NOVA1: variants seen among roughly 807,000 people sequenced by gnomAD.
NOVA1 encodes the protein RNA-binding protein Nova-1.
In NOVA1, 7 loss-of-function variants were observed where a neutral mutation model predicts 38.0. The observed-to-expected ratio is 0.18, with a 90% CI of 0.10 to 0.35. NOVA1 has a LOEUF of 0.35. Among genes scored for constraint, NOVA1 ranks in the 10% least tolerant of loss-of-function variants. The probability of loss-of-function intolerance (pLI) is 1.00; values close to 1 mark genes in which losing one functional copy is unlikely to be tolerated. For synonymous variants in NOVA1, 270 were observed against 232.5 expected, an observed-to-expected ratio of 1.16 and a Z score of -1.47; for missense variants, 460 against 616.0, an observed-to-expected ratio of 0.75 and a Z score of 2.68.
At chr14:26,480,880 T>C (rs979022523) in intron 2 of NOVA1, among the ~76,000 whole-genome samples, 1 of 152,002 alleles carries the variant, frequency 6.6e-6, no homozygotes, top group Non-Finnish European at 1.5e-5. Context: ...ATTTAAATAG[T>C]TTATGAAACT....
Position 26,479,920 on chromosome 14 carries a change from A to G in NOVA1, c.447+57T>C, listed in dbSNP as rs747958138. ...GCTAACACTTTAAGGCTTCTTTTGT[A>G]AGGAACTTATACTATGCTGTGGATA... On this transcript the variant is annotated intron_variant, in intron 3 of 4. Transcript: ENST00000539517. The G allele has an allele frequency of 1.9e-6, 3 of 1,543,654 alleles. No homozygotes were observed. The Admixed American group carries it at 6.0e-5, about 31-fold the overall frequency.
intron 2 of NOVA1, among the ~76,000 whole-genome samples, chr14:26,511,300 GTAGT>G (rs1358556266): frequency 7.9e-5 from 12 of 152,026 alleles, no homozygotes; most frequent in Non-Finnish European, 1.8e-4. Context: ...ATTTGATGAA[GTAGT>G]TAAATATACT....
Position 26,468,182 on chromosome 14 carries a change from C to T in NOVA1, c.519+4138G>A, listed in dbSNP as rs545159963. Among the ~76,000 whole-genome samples the T allele has an allele frequency of 8.5e-5, 13 of 152,194 alleles. No individual in the cohort carries two copies. The South Asian group carries it at 2.7e-3, about 32-fold the overall frequency. ...ATTCTCCTACTGGCCTTGCAAGAAG[C>T]AAACAGCCAAGTTTTGAAGGTCCTG... On this transcript the variant is annotated intron_variant, in intron 4 of 4. Coordinates refer to ENST00000539517, the MANE Select transcript of NOVA1 (RefSeq NM_002515.3).
intron 2 of NOVA1, among the ~76,000 whole-genome samples, chr14:26,547,769 A>C (rs1256953976): frequency 6.6e-6 from 1 of 152,144 alleles, no homozygotes; most frequent in Non-Finnish European, 1.5e-5. Flanking sequence ...CGAATATTTC[A>C]TATATTGATA....
At chr14:26,574,549 T>C (rs1383130472) in intron 2 of NOVA1, among the ~76,000 whole-genome samples, 1 of 152,082 alleles carries the variant, frequency 6.6e-6, no homozygotes, top group Non-Finnish European at 1.5e-5. Flanking sequence ...TATTAACAAA[T>C]AGCTTTAGGT....
At chr14:26,540,593 T>C (rs1341061771) in intron 2 of NOVA1, among the ~76,000 whole-genome samples, 1 of 152,222 alleles carries the variant, frequency 6.6e-6, no homozygotes, top group Non-Finnish European at 1.5e-5. Context: ...ATAAGTAAAA[T>C]TTGTTTTCAC....
At chr14:26,527,972 G>T (rs1889422862) in intron 2 of NOVA1, among the ~76,000 whole-genome samples, 1 of 152,134 alleles carries the variant, frequency 6.6e-6, no homozygotes, top group Admixed American at 6.5e-5. Context: ...CCTAAAAACG[G>T]CTTGGCTCCC....
intron 2 of NOVA1, among the ~76,000 whole-genome samples, chr14:26,566,008 G>A (rs1393600984): frequency 6.6e-6 from 1 of 152,034 alleles, no homozygotes; most frequent in Non-Finnish European, 1.5e-5. Context: ...ATGTTTCATG[G>A]CAAACAAAGG....
At chr14:26,563,197 G>C (rs1316872184) in intron 2 of NOVA1, among the ~76,000 whole-genome samples, 2 of 149,996 alleles carry the variant, frequency 1.3e-5, no homozygotes, top group Non-Finnish European at 3.0e-5. Flanking sequence ...AAGAAGGAAG[G>C]AAGGAAGGAA....
chr14:26,455,401 G>A (rs1883081663), intron 4 of NOVA1, among the ~76,000 whole-genome samples: 1 of 152,086 alleles, frequency 6.6e-6, no homozygotes, highest in Non-Finnish European at 1.5e-5. Flanking sequence ...CCCTGGCTCT[G>A]CTATGTGACC....
chr14:26,525,676 C>T (rs1377954797), intron 2 of NOVA1, among the ~76,000 whole-genome samples: 1 of 152,064 alleles, frequency 6.6e-6, no homozygotes, highest in African/African-American at 2.4e-5. Flanking sequence ...TGAATAGCCA[C>T]GTGGCAACCT....
At chr14:26,523,971 T>G (rs1889110427) in intron 2 of NOVA1, among the ~76,000 whole-genome samples, 1 of 152,096 alleles carries the variant, frequency 6.6e-6, no homozygotes, top group East Asian at 1.9e-4. Context: ...CGGGATGGCC[T>G]CGATCTCCTG....
At chr14:26,552,054 T>A (rs571191127) in intron 2 of NOVA1, among the ~76,000 whole-genome samples, 1 of 152,202 alleles carries the variant, frequency 6.6e-6, no homozygotes, top group South Asian at 2.1e-4. Flanking sequence ...TATAAATTAA[T>A]AGCATACAAC....
chr14:26,594,035 ATTTT>A (rs894260147), intron 2 of NOVA1: 3 of 151,652 alleles, frequency 2.0e-5, no homozygotes. Context: ...TTCCACATTG[ATTTT>A]TTTTATCATA....
At chr14:26,596,931 C>A in intron 1 of NOVA1, 1 of 1,190,424 alleles carries the variant, frequency 8.4e-7, no homozygotes, top group Admixed American at 3.9e-5. Flanking sequence ...CGCGCATCTT[C>A]GGGCGGCCAT....
At chr14:26,455,162 T>A (rs1220686155) in intron 4 of NOVA1, among the ~76,000 whole-genome samples, 1 of 152,130 alleles carries the variant, frequency 6.6e-6, no homozygotes, top group Admixed American at 6.6e-5. Flanking sequence ...TTCATAGCAT[T>A]GTCTAATATC....
chr14:26,476,171 C>T (rs1411729882), intron 3 of NOVA1, among the ~76,000 whole-genome samples: 1 of 152,090 alleles, frequency 6.6e-6, no homozygotes, highest in Non-Finnish European at 1.5e-5. Flanking sequence ...TGACAAATAT[C>T]TTCCTCTTTC....
Position 26,497,737 on chromosome 14 carries a change from T to C in NOVA1, c.281-17594A>G, listed in dbSNP as rs1429990088. ...GGAAAAAGATTCAAATGAACTGATTTCCTGAACTAGTCAAGTAAGGAGTAC... is the reference window on the plus strand; with the variant it reads ...GGAAAAAGATTCAAATGAACTGATTCCCTGAACTAGTCAAGTAAGGAGTAC... On this transcript the variant is annotated intron_variant, in intron 2 of 4. Coordinates refer to ENST00000539517, the MANE Select transcript of NOVA1 (RefSeq NM_002515.3). Among the ~76,000 whole-genome samples, 8 of 152,154 alleles carry C rather than the reference T, an allele frequency of 5.3e-5. No individual in the cohort carries two copies. In the East Asian group the frequency reaches 1.5e-3, roughly 29 times the overall value.
intron 2 of NOVA1, among the ~76,000 whole-genome samples, chr14:26,551,718 T>C (rs1891170973): frequency 6.6e-6 from 1 of 152,016 alleles, no homozygotes. Context: ...AAACAAAAAA[T>C]CTAAATTTGA....
Sources: gnomAD v4.1 joint callset for allele counts (sites outside exome capture counted in the v4.1 genomes callset) on GRCh38, gnomAD v4.1.1 for gene constraint, MANE v1.5 for transcripts, NCBI Gene and HGNC (gene_info 2026-07-23, HGNC 2026-07-21) for gene names.